Variants in RBFOX1 observed in about 807,000 individuals in gnomAD.
RBFOX1 encodes the protein RNA binding protein fox-1 homolog 1.
RBFOX1 carries 8 observed loss-of-function variants against 57.7 expected under a neutral mutation model. The observed-to-expected ratio is 0.14, with a 90% CI of 0.08 to 0.25. RBFOX1 has a LOEUF of 0.25. Among genes scored for constraint, RBFOX1 ranks in the 10% least tolerant of loss-of-function variants. The probability of loss-of-function intolerance (pLI) is 1.00; values close to 1 mark genes in which losing one functional copy is unlikely to be tolerated. For synonymous variants in RBFOX1, 326 were observed against 222.4 expected, an observed-to-expected ratio of 1.47 and a Z score of -4.15; for missense variants, 611 against 548.5, an observed-to-expected ratio of 1.11 and a Z score of -1.14.
chr16:5,651,366 C>T (rs1226178710), intron 3 of RBFOX1, among the ~76,000 whole-genome samples: 1 of 152,110 alleles, frequency 6.6e-6, no homozygotes, highest in African/African-American at 2.4e-5. Flanking sequence ...ATCCTAGCTT[C>T]TTGCACAGCC....
intron 3 of RBFOX1, among the ~76,000 whole-genome samples, chr16:6,870,396 T>C (rs2060661627): frequency 6.6e-6 from 1 of 152,202 alleles, no homozygotes; most frequent in African/African-American, 2.4e-5. Flanking sequence ...TGCATTTGGA[T>C]TGTTTCAGCA....
At chr16:7,499,061 T>C (rs2069712321) in intron 4 of RBFOX1, among the ~76,000 whole-genome samples, 1 of 152,162 alleles carries the variant, frequency 6.6e-6, no homozygotes, top group South Asian at 2.1e-4. Flanking sequence ...TGTATTAATT[T>C]CCCAGGGCTA....
intron 3 of RBFOX1, among the ~76,000 whole-genome samples, chr16:6,867,246 CTTCCTTTTTT>C (rs2142994554): frequency 6.6e-6 from 1 of 152,100 alleles, no homozygotes; most frequent in African/African-American, 2.4e-5. Flanking sequence ...TACTTTTTTT[CTTCCTTTTTT>C]TTCCTTTCTG....
At chr16:6,269,852 A>G (rs1179592701) in intron 1 of RBFOX1, among the ~76,000 whole-genome samples, 3 of 152,222 alleles carry the variant, frequency 2.0e-5, no homozygotes, top group Non-Finnish European at 4.4e-5. Flanking sequence ...TGTTTTCAAA[A>G]TTATGCTTTA....
intron 4 of RBFOX1, among the ~76,000 whole-genome samples, chr16:7,365,633 C>T (rs1400711817): frequency 2.0e-5 from 3 of 152,208 alleles, no homozygotes; most frequent in Admixed American, 6.5e-5. Flanking sequence ...TGCTGATTTA[C>T]AGCATCATCT....
At chr16:5,582,611 C>T (rs547757291) in intron 2 of RBFOX1, among the ~76,000 whole-genome samples, 110 of 138,008 alleles carry the variant, frequency 8.0e-4, no homozygotes, top group Non-Finnish European at 1.4e-3. Context: ...ATGCCAATGA[C>T]GTGATCTTGG....
intron 3 of RBFOX1, among the ~76,000 whole-genome samples, chr16:6,993,275 G>A (rs1322956179): frequency 2.6e-5 from 4 of 152,200 alleles, no homozygotes; most frequent in Non-Finnish European, 4.4e-5. Flanking sequence ...AGTCATGTTT[G>A]TTGTTCAAAT....
At chr16:6,072,860 T>C (rs1567387046) in intron 1 of RBFOX1, among the ~76,000 whole-genome samples, 1 of 152,158 alleles carries the variant, frequency 6.6e-6, no homozygotes, top group Non-Finnish European at 1.5e-5. Context: ...AATTTTTGGA[T>C]GTGAAAGATA....
At chr16:7,182,264 G>C (rs1357448055) in intron 4 of RBFOX1, among the ~76,000 whole-genome samples, 1 of 152,092 alleles carries the variant, frequency 6.6e-6, no homozygotes, top group African/African-American at 2.4e-5. Flanking sequence ...TGTAAACAGT[G>C]ATGCTCCTCT....
At chr16:6,731,630 G>A (rs1485120719) in intron 3 of RBFOX1, among the ~76,000 whole-genome samples, 1 of 152,084 alleles carries the variant, frequency 6.6e-6, no homozygotes, top group Admixed American at 6.6e-5. Context: ...GAGCTGGAGT[G>A]TAAACACCCC....
chr16:6,442,693 C>T (rs2094409860), intron 2 of RBFOX1, among the ~76,000 whole-genome samples: 2 of 152,172 alleles, frequency 1.3e-5, no homozygotes, highest in Non-Finnish European at 2.9e-5. Context: ...ATCAGTCTCC[C>T]TGTCTTTTCT....
intron 3 of RBFOX1, among the ~76,000 whole-genome samples, chr16:6,995,505 A>C (rs8055008): frequency 0.76 from 116,347 of 152,104 alleles, 44,671 homozygotes; most frequent in African/African-American, 0.81. Flanking sequence ...TGGCTCACGC[A>C]TGTAATCCCA....
At chr16:5,378,348 C>G (rs1425870419) in intron 1 of RBFOX1, among the ~76,000 whole-genome samples, 1 of 151,562 alleles carries the variant, frequency 6.6e-6, no homozygotes, top group Non-Finnish European at 1.5e-5. Context: ...CTCTCGCTCT[C>G]CAACACCTGC....
intron 4 of RBFOX1, among the ~76,000 whole-genome samples, chr16:7,335,881 A>G (rs972737761): frequency 3.3e-5 from 5 of 152,174 alleles, no homozygotes; most frequent in African/African-American, 1.2e-4. Context: ...CCCTCCAGCC[A>G]GGTAGAGAAT....
At chr16:6,717,410 G>A (rs28384283) in intron 3 of RBFOX1, among the ~76,000 whole-genome samples, 5,418 of 152,094 alleles carry the variant, frequency 0.036, 325 homozygotes, top group African/African-American at 0.12. Flanking sequence ...TTCTACTACA[G>A]CATAAGAAAC....
At chr16:5,335,811 T>G (rs952357297) in intron 1 of RBFOX1, among the ~76,000 whole-genome samples, 1 of 152,140 alleles carries the variant, frequency 6.6e-6, no homozygotes, top group Non-Finnish European at 1.5e-5. Flanking sequence ...ATATTCCTTG[T>G]GTGCATAAGT....
At chr16:6,993,348 G>T (rs76674699) in intron 3 of RBFOX1, among the ~76,000 whole-genome samples, 4 of 152,124 alleles carry the variant, frequency 2.6e-5, no homozygotes, top group Non-Finnish European at 4.4e-5. Flanking sequence ...AAAAACTAAC[G>T]AATAGGGCAA....
At chr16:5,649,075 T>A (rs1309334273) in intron 3 of RBFOX1, among the ~76,000 whole-genome samples, 5 of 151,652 alleles carry the variant, frequency 3.3e-5, no homozygotes, top group African/African-American at 7.3e-5. Context: ...AAAAAAAATA[T>A]ATATCAGATG....
At chr16:6,261,200 G>A (rs12443531) in intron 1 of RBFOX1, among the ~76,000 whole-genome samples, 18,280 of 152,180 alleles carry the variant, frequency 0.12, 1,515 homozygotes, top group African/African-American at 0.23. Context: ...CACATTCCCA[G>A]TGGATGAGAG....
Sources: allele counts gnomAD v4.1 joint callset (sites outside exome capture counted in the v4.1 genomes callset), GRCh38; gene constraint gnomAD v4.1.1; transcripts MANE v1.5; gene names NCBI Gene and HGNC (gene_info 2026-07-23, HGNC 2026-07-21).